The following GABRG3 variants were observed in gnomAD, a reference collection of about 807,000 sequenced individuals.
The protein encoded by GABRG3 is gamma-aminobutyric acid receptor subunit gamma-3.
GABRG3 carries 25 observed loss-of-function variants against 48.8 expected under a neutral mutation model. That is an observed-to-expected ratio of 0.51 (90% CI 0.37 to 0.72). GABRG3 has a LOEUF of 0.72. Ranked by LOEUF, GABRG3 falls within the 30% of genes least tolerant of loss-of-function variation. GABRG3 has a pLI of 0.00. For synonymous variants in GABRG3, 227 were observed against 217.6 expected (o/e 1.04, Z -0.38); for missense variants, 394 against 577.9 (o/e 0.68, Z 3.26).
At chr15:27,029,035 G>A (rs1204328449) in intron 3 of GABRG3, among the ~76,000 whole-genome samples, 1 of 152,194 alleles carries the variant, frequency 6.6e-6, no homozygotes, top group Non-Finnish European at 1.5e-5. Flanking sequence ...TCTGGAGGCT[G>A]ACACAGCAGG....
At chr15:26,995,499 T>C (rs1439200776) in intron 2 of GABRG3, among the ~76,000 whole-genome samples, 4 of 151,912 alleles carry the variant, frequency 2.6e-5, no homozygotes, top group African/African-American at 7.2e-5. Context: ...TTTTTCTCTA[T>C]GTGTCTCAAA....
intron 3 of GABRG3, among the ~76,000 whole-genome samples, chr15:27,043,002 G>A (rs779050004): frequency 2.0e-4 from 31 of 152,274 alleles, no homozygotes; most frequent in East Asian, 1.7e-3. Flanking sequence ...CTCCAGCCAC[G>A]GGCTCCGCGT....
intron 3 of GABRG3, among the ~76,000 whole-genome samples, chr15:27,248,036 G>A (rs1326038392): frequency 6.6e-6 from 1 of 152,184 alleles, no homozygotes; most frequent in Non-Finnish European, 1.5e-5. Context: ...AGACAGGAGT[G>A]ACTCCACTGT....
intron 3 of GABRG3, among the ~76,000 whole-genome samples, chr15:27,298,563 T>C (rs1414498334): frequency 1.3e-5 from 2 of 152,178 alleles, no homozygotes; most frequent in Non-Finnish European, 2.9e-5. Flanking sequence ...CATGGCTAAC[T>C]GTGGGGATAT....
intron 3 of GABRG3, among the ~76,000 whole-genome samples, chr15:27,278,739 A>G (rs1891337465): frequency 6.6e-6 from 1 of 152,178 alleles, no homozygotes; most frequent in African/African-American, 2.4e-5. Context: ...TGATTATGAG[A>G]AAGCTGCTGT....
intron 3 of GABRG3, among the ~76,000 whole-genome samples, chr15:27,318,970 C>A (rs1352255484): frequency 6.6e-6 from 1 of 151,994 alleles, no homozygotes; most frequent in African/African-American, 2.4e-5. Flanking sequence ...CAGCAGGGAG[C>A]CTATAGATAA....
intron 3 of GABRG3, among the ~76,000 whole-genome samples, chr15:27,088,244 T>G (rs1233393084): frequency 1.1e-4 from 10 of 92,834 alleles, no homozygotes; most frequent in African/African-American, 3.4e-4. Flanking sequence ...CTGGGAGTGC[T>G]CGGGGCGGGC....
intron 3 of GABRG3, among the ~76,000 whole-genome samples, chr15:27,029,683 C>T (rs181449704): frequency 1.1e-3 from 169 of 152,258 alleles, no homozygotes; most frequent in African/African-American, 3.7e-3. Context: ...AGGTGAGACA[C>T]GAGGAACCAA....
intron 3 of GABRG3, among the ~76,000 whole-genome samples, chr15:27,189,225 C>T (rs1888210389): frequency 2.6e-5 from 4 of 151,158 alleles, no homozygotes; most frequent in African/African-American, 9.7e-5. Context: ...TTTTTTGGTT[C>T]CATATGAACT....
At chr15:27,469,396 A>G (rs1372547971) in intron 5 of GABRG3, among the ~76,000 whole-genome samples, 3 of 152,054 alleles carry the variant, frequency 2.0e-5, no homozygotes, top group African/African-American at 7.2e-5. Context: ...GCTAGAGTGC[A>G]GTGGCACAAT....
chr15:27,260,237 A>C (rs1954678034), intron 3 of GABRG3, among the ~76,000 whole-genome samples: 2 of 152,078 alleles, frequency 1.3e-5, no homozygotes, highest in African/African-American at 4.8e-5. Flanking sequence ...TGGCTTGCAG[A>C]TGCTGCTTGC....
intron 3 of GABRG3, among the ~76,000 whole-genome samples, chr15:27,078,416 T>G (rs1370986352): frequency 6.6e-6 from 1 of 152,224 alleles, no homozygotes; most frequent in Non-Finnish European, 1.5e-5. Flanking sequence ...GATCACTTAC[T>G]TCTAACTTTG....
At chr15:27,120,497 T>A (rs1897712601) in intron 3 of GABRG3, among the ~76,000 whole-genome samples, 1 of 152,208 alleles carries the variant, frequency 6.6e-6, no homozygotes, top group South Asian at 2.1e-4. Context: ...TTCTGGCTAT[T>A]GCTTTTGCCA....
intron 8 of GABRG3, 44 bp from the exon 9 acceptor site, chr15:27,527,889 T>A (rs1271355153): frequency 6.9e-7 from 1 of 1,445,042 alleles, no homozygotes. Context: ...TGGATGCAAA[T>A]GTTCATGACA....
chr15:27,369,586 G>T (rs1344920104), intron 5 of GABRG3, among the ~76,000 whole-genome samples: 1 of 152,082 alleles, frequency 6.6e-6, no homozygotes, highest in African/African-American at 2.4e-5. Context: ...GGGAGGCCAA[G>T]GTGGGCGGAT....
intron 3 of GABRG3, among the ~76,000 whole-genome samples, chr15:27,170,009 C>T (rs1327206517): frequency 6.6e-6 from 1 of 152,068 alleles, no homozygotes; most frequent in African/African-American, 2.4e-5. Flanking sequence ...TCAGATAAAG[C>T]TATTTTATGA....
At chr15:27,414,662 G>T (rs561652297) in intron 5 of GABRG3, among the ~76,000 whole-genome samples, 28 of 152,090 alleles carry the variant, frequency 1.8e-4, no homozygotes, top group Non-Finnish European at 2.1e-4. Context: ...TAACTGGATG[G>T]TTGTGACTAA....
At chr15:27,126,680 G>A (rs1595539081) in intron 3 of GABRG3, among the ~76,000 whole-genome samples, 1 of 152,352 alleles carries the variant, frequency 6.6e-6, no homozygotes, top group East Asian at 1.9e-4. Flanking sequence ...TCCATGGTGA[G>A]GATGGAATAG....
chr15:27,012,487 A>G (rs554661698), intron 2 of GABRG3, among the ~76,000 whole-genome samples: 2 of 152,282 alleles, frequency 1.3e-5, no homozygotes, highest in East Asian at 3.9e-4. Context: ...TAATCTTTAC[A>G]GATATATTTT....
Sources: gnomAD v4.1 joint callset for allele counts (sites outside exome capture counted in the v4.1 genomes callset) on GRCh38, gnomAD v4.1.1 for gene constraint, MANE v1.5 for transcripts, NCBI Gene and HGNC (gene_info 2026-07-23, HGNC 2026-07-21) for gene names.